Variants in BCAS4 observed in about 807,000 individuals in gnomAD.
BCAS4 encodes breast carcinoma amplified sequence 4.
Under a neutral mutation model 15.7 loss-of-function variants are expected in BCAS4, and 9 were observed. The observed-to-expected ratio is 0.57, with a 90% CI of 0.34 to 1.00. The LOEUF (loss-of-function observed/expected upper bound fraction) is 1.00, where lower values mean the gene tolerates loss of function less well. Among genes scored for constraint, BCAS4 ranks in the 50% least tolerant of loss-of-function variants. BCAS4 has a pLI of 0.02. For missense variants in BCAS4, 225 were observed against 239.1 expected, an observed-to-expected ratio of 0.94 and a Z score of 0.39; for synonymous variants, 101 against 99.5, an observed-to-expected ratio of 1.02 and a Z score of -0.09.
intron 4 of BCAS4, among the ~76,000 whole-genome samples, chr20:50,874,688 C>G (rs537099689): frequency 1.3e-5 from 2 of 152,132 alleles, no homozygotes; most frequent in African/African-American, 4.8e-5. Context: ...AGGGCAACTC[C>G]TGAGTCTTGA....
intron 1 of BCAS4, among the ~76,000 whole-genome samples, chr20:50,795,382 A>T (rs1307230250): frequency 6.6e-6 from 1 of 152,034 alleles, no homozygotes; most frequent in Non-Finnish European, 1.5e-5. Flanking sequence ...CGGGCCCCGG[A>T]GGCCCAGGCT....
At chr20:50,822,953 AC>A (rs2123781762) in intron 2 of BCAS4, among the ~76,000 whole-genome samples, 1 of 152,180 alleles carries the variant, frequency 6.6e-6, no homozygotes, top group South Asian at 2.1e-4. Flanking sequence ...CATGTGCTTA[AC>A]CCACATCCCA....
At chr20:50,870,659 A>G (rs1431275676) in intron 4 of BCAS4, among the ~76,000 whole-genome samples, 1 of 152,252 alleles carries the variant, frequency 6.6e-6, no homozygotes, top group African/African-American at 2.4e-5. Context: ...ATTTTCCAAG[A>G]GAAACCGGCA....
chr20:50,857,572 G>C (rs1160413917), intron 4 of BCAS4, among the ~76,000 whole-genome samples: 1 of 152,202 alleles, frequency 6.6e-6, no homozygotes, highest in Non-Finnish European at 1.5e-5. Flanking sequence ...GCTAGGAAGG[G>C]GGACCGCTGC....
chr20:50,829,713 G>A (rs1165681552), intron 2 of BCAS4, among the ~76,000 whole-genome samples: 1 of 151,868 alleles, frequency 6.6e-6, no homozygotes, highest in Non-Finnish European at 1.5e-5. Flanking sequence ...GTGATCAAGG[G>A]AAAAATATGT....
intron 1 of BCAS4, among the ~76,000 whole-genome samples, chr20:50,805,532 C>T (rs1425736185): frequency 1.3e-5 from 2 of 152,188 alleles, no homozygotes; most frequent in Non-Finnish European, 2.9e-5. Context: ...CCAGTAGCAG[C>T]CAGCCCATTT....
intron 4 of BCAS4, among the ~76,000 whole-genome samples, chr20:50,862,336 A>C (rs1397577406): frequency 6.6e-6 from 1 of 151,528 alleles, no homozygotes; most frequent in Non-Finnish European, 1.5e-5. Flanking sequence ...CTCTGTTTCC[A>C]CTGTGCTGTC....
intron 2 of BCAS4, among the ~76,000 whole-genome samples, chr20:50,821,046 G>A (rs1277352742): frequency 6.6e-6 from 1 of 152,186 alleles, no homozygotes; most frequent in African/African-American, 2.4e-5. Flanking sequence ...CATGTCACGT[G>A]GCAAGCAAGC....
intron 3 of BCAS4, among the ~76,000 whole-genome samples, chr20:50,833,381 A>C (rs1043987150): frequency 3.9e-5 from 6 of 152,016 alleles, no homozygotes; most frequent in Non-Finnish European, 5.9e-5. Flanking sequence ...AGGGGCACAC[A>C]CCCCAGAGCC....
chr20:50,819,461 G>A (rs1172174076), intron 2 of BCAS4, among the ~76,000 whole-genome samples: 1 of 152,130 alleles, frequency 6.6e-6, no homozygotes, highest in Non-Finnish European at 1.5e-5. Flanking sequence ...CACCGTGTCC[G>A]GACCCTGAGA....
chr20:50,842,672 C>T (rs1600879263), intron 4 of BCAS4, among the ~76,000 whole-genome samples: 1 of 152,356 alleles, frequency 6.6e-6, no homozygotes, highest in East Asian at 1.9e-4. Flanking sequence ...CCTGCCTTGG[C>T]CTCCCAAAGT....
At chr20:50,830,109 G>A (rs928239723) in intron 2 of BCAS4, among the ~76,000 whole-genome samples, 170 bp from the exon 3 acceptor site, 5 of 152,216 alleles carry the variant, frequency 3.3e-5, no homozygotes, top group African/African-American at 1.2e-4. Context: ...AGGCGACGAT[G>A]TTGGTCCTCC....
At chr20:50,834,251 G>A (rs569811487) in intron 3 of BCAS4, among the ~76,000 whole-genome samples, 7 of 151,772 alleles carry the variant, frequency 4.6e-5, no homozygotes, top group Non-Finnish European at 7.4e-5. Flanking sequence ...TGTAGAGACC[G>A]GGGCTCACTA....
intron 4 of BCAS4, among the ~76,000 whole-genome samples, chr20:50,871,634 T>C (rs1979649677): frequency 6.6e-6 from 1 of 152,180 alleles, no homozygotes; most frequent in Non-Finnish European, 1.5e-5. Flanking sequence ...CAAAATAGGG[T>C]TCACGCGCTC....
At chr20:50,818,524 A>T (rs1253875842) in intron 2 of BCAS4, among the ~76,000 whole-genome samples, 1 of 151,934 alleles carries the variant, frequency 6.6e-6, no homozygotes, top group Non-Finnish European at 1.5e-5. Context: ...TTCCCTCGAG[A>T]TGGTTTTTAT....
At chr20:50,821,620 T>TC (rs1196646405) in intron 2 of BCAS4, among the ~76,000 whole-genome samples, 2 of 152,108 alleles carry the variant, frequency 1.3e-5, no homozygotes, top group South Asian at 2.1e-4. Context: ...CGGACCACTG[T>TC]CCCCCCAGGT....
intron 3 of BCAS4, among the ~76,000 whole-genome samples, chr20:50,839,065 TGGTATTATTGAA>T (rs939018057): frequency 6.6e-6 from 1 of 152,156 alleles, no homozygotes; most frequent in Non-Finnish European, 1.5e-5. Context: ...CTGCATTTCA[TGGTATTATTGAA>T]GGAGAGGCTT....
chr20:50,849,038 C>T (rs1275973332), intron 4 of BCAS4, among the ~76,000 whole-genome samples: 3 of 152,190 alleles, frequency 2.0e-5, no homozygotes, highest in Non-Finnish European at 1.5e-5. Flanking sequence ...CTGCGGACCT[C>T]GGAAGTGCAC....
chr20:50,847,600 A>G (rs1035253290), intron 4 of BCAS4, among the ~76,000 whole-genome samples: 1 of 152,208 alleles, frequency 6.6e-6, no homozygotes, highest in East Asian at 1.9e-4. Flanking sequence ...TAGAGAGGGT[A>G]AGTAACTTAC....
Sources: allele counts gnomAD v4.1 joint callset (sites outside exome capture counted in the v4.1 genomes callset), GRCh38; gene constraint gnomAD v4.1.1; transcripts MANE v1.5; gene names NCBI Gene and HGNC (gene_info 2026-07-23, HGNC 2026-07-21).